The following COL24A1 variants were observed in gnomAD, a reference collection of about 807,000 sequenced individuals.
COL24A1 encodes collagen alpha-1(XXIV) chain.
COL24A1 carries 224 observed loss-of-function variants against 253.9 expected under a neutral mutation model. The ratio of observed to expected loss-of-function variants is 0.88; its 90% CI spans 0.79 to 0.99. COL24A1 has a LOEUF of 0.99. COL24A1 is among the 50% of genes least tolerant of loss of function. The pLI, the probability that COL24A1 is intolerant of heterozygous loss-of-function variation, is 0.00. For missense variants in COL24A1, 2,131 were observed against 2,068.5 expected (o/e 1.03, Z -0.59); for synonymous variants, 685 against 673.7 (o/e 1.02, Z -0.26).
intron 55 of COL24A1, among the ~76,000 whole-genome samples, chr1:85,759,328 A>G (rs745955603): frequency 2.0e-4 from 30 of 152,224 alleles, no homozygotes; most frequent in Non-Finnish European, 2.8e-4. Context: ...TATAATAGAA[A>G]AGACAAACAT....
chr1:85,732,420 G>A (rs919630192), intron 59 of COL24A1, among the ~76,000 whole-genome samples: 8 of 151,730 alleles, frequency 5.3e-5, no homozygotes, highest in Non-Finnish European at 7.4e-5. Context: ...TAGTAGAGAC[G>A]GGGTTTCACC....
intron 7 of COL24A1, among the ~76,000 whole-genome samples, chr1:86,087,739 G>C (rs1238211918): frequency 6.6e-6 from 1 of 152,154 alleles, no homozygotes; most frequent in Non-Finnish European, 1.5e-5. Context: ...AGAGATATGA[G>C]TAGTCAGATG....
At chr1:85,951,964 C>G (rs1200070926) in intron 24 of COL24A1, among the ~76,000 whole-genome samples, 1 of 152,090 alleles carries the variant, frequency 6.6e-6, no homozygotes, top group Non-Finnish European at 1.5e-5. Context: ...ATTTTTCTTA[C>G]AGTCAAAAGT....
chr1:85,831,526 T>C (rs1239039681), intron 43 of COL24A1, among the ~76,000 whole-genome samples: 2 of 152,140 alleles, frequency 1.3e-5, no homozygotes, highest in African/African-American at 4.8e-5. Context: ...AAAAATTGAC[T>C]ATGACCATTT....
chr1:85,847,805 GA>G (rs1677305782), intron 38 of COL24A1, 33 bp from the exon 39 acceptor site: 5 of 1,432,446 alleles, frequency 3.5e-6, no homozygotes, highest in Non-Finnish European at 4.9e-6. Context: ...AGAAAAGCAA[GA>G]AAAAAATTTA....
At chr1:85,869,990 G>C (rs1402980350) in intron 35 of COL24A1, among the ~76,000 whole-genome samples, 1 of 152,122 alleles carries the variant, frequency 6.6e-6, no homozygotes, top group Non-Finnish European at 1.5e-5. Context: ...TCAAAATAAA[G>C]GGATGGAGGA....
intron 14 of COL24A1, among the ~76,000 whole-genome samples, chr1:86,024,601 G>A (rs1429145484): frequency 6.6e-6 from 1 of 152,162 alleles, no homozygotes; most frequent in Non-Finnish European, 1.5e-5. Context: ...AACACCGTTA[G>A]AGGCAAAGGG....
intron 57 of COL24A1, 76 bp downstream of exon 57, chr1:85,744,590 C>T: frequency 8.1e-7 from 1 of 1,236,786 alleles, no homozygotes; most frequent in Non-Finnish European, 1.1e-6. Flanking sequence ...TTGGAGTGAA[C>T]ACATTACAAA....
chr1:86,059,356 A>G (rs544455908), intron 8 of COL24A1, among the ~76,000 whole-genome samples, 182 bp from the exon 9 acceptor site: 1 of 152,298 alleles, frequency 6.6e-6, no homozygotes, highest in African/African-American at 2.4e-5. Flanking sequence ...TAAAATCAGT[A>G]AACTATTAGA....
intron 43 of COL24A1, among the ~76,000 whole-genome samples, chr1:85,837,666 T>C (rs1676156055): frequency 6.6e-6 from 1 of 152,142 alleles, no homozygotes; most frequent in Admixed American, 6.5e-5. Flanking sequence ...TGTGGTAAAA[T>C]GTTTGTACTG....
rs543283926 is a variant in COL24A1 at position 85,823,692 on chromosome 1, C to T, written c.3728G>A (p.Gly1243Glu). The T allele has an allele frequency of 1.9e-6, 3 of 1,613,654 alleles. No individual in the cohort carries two copies. The African/African-American group carries it at 4.0e-5, about 22-fold the overall frequency. Reference protein sequence around the residue: ...PGLRGATGQQGPPGEPGDQGE... With the variant: ...PGLRGATGQQEPPGEPGDQGE... ...AATGCTTTCAAAACATACTGGGGGTCCTTGTTGTCCAGTGGCACCTCTTAG... is the reference window on the plus strand; with the variant it reads ...AATGCTTTCAAAACATACTGGGGGTTCTTGTTGTCCAGTGGCACCTCTTAG... Residue 1243 changes from glycine (G) to glutamate (E), a missense_variant, in exon 44 of 60, where the codon GGA (glycine) becomes GAA (glutamate). Coordinates refer to ENST00000370571, the MANE Select transcript of COL24A1 (RefSeq NM_152890.7).
intron 19 of COL24A1, among the ~76,000 whole-genome samples, chr1:85,994,808 G>A (rs1358946389): frequency 6.6e-6 from 1 of 152,064 alleles, no homozygotes; most frequent in Non-Finnish European, 1.5e-5. Context: ...TGTCTTCTGA[G>A]GAAACCACAA....
intron 28 of COL24A1, among the ~76,000 whole-genome samples, chr1:85,904,873 A>G (rs1396309404): frequency 6.6e-6 from 1 of 152,186 alleles, no homozygotes; most frequent in Non-Finnish European, 1.5e-5. Flanking sequence ...AATTAAGTCT[A>G]GAATCCTCCA....
chr1:85,732,883 C>T (rs1444371148), intron 59 of COL24A1, among the ~76,000 whole-genome samples: 5 of 152,056 alleles, frequency 3.3e-5, no homozygotes, highest in African/African-American at 1.2e-4. Context: ...ATTATTATCC[C>T]TATTATTATT....
chr1:86,112,072 C>T (rs1046165330), intron 5 of COL24A1, among the ~76,000 whole-genome samples: 1 of 152,194 alleles, frequency 6.6e-6, no homozygotes, highest in Non-Finnish European at 1.5e-5. Context: ...TATCATACAA[C>T]TATGTACGCT....
At position 85,744,788 on chromosome 1, in the gene COL24A1, A is replaced by C; in HGVS notation, c.4550T>G (p.Ile1517Arg). The part of the protein sequence containing the change: ...EVTLIDHSEE[I>R]FKTLNYLSNL... Reference sequence around the variant, plus strand: ...GCTAAGGTAGTTCAGGGTTTTGAATATCTCTTCACTGTGGTCAATTAAAGT... The same window carrying C: ...GCTAAGGTAGTTCAGGGTTTTGAATCTCTCTTCACTGTGGTCAATTAAAGT... The change falls in exon 57 of 60, where the codon ATA (isoleucine) becomes AGA (arginine). Residue 1517 changes from isoleucine to arginine, a missense_variant. Ile to Arg is a moderately conservative substitution (Grantham distance 97). Transcript: ENST00000370571. 1 of 1,611,144 alleles carries C rather than the reference A, an allele frequency of 6.2e-7. No individual in the cohort carries two copies. Among genetic ancestry groups the C allele is most frequent in the Non-Finnish European group, 8.5e-7 (1 of 1,179,068 alleles).
chr1:85,914,954 G>A (rs1012692541), intron 24 of COL24A1, among the ~76,000 whole-genome samples: 1 of 152,138 alleles, frequency 6.6e-6, no homozygotes, highest in African/African-American at 2.4e-5. Context: ...GCATTTGGGG[G>A]CAAACTTGAC....
At chr1:86,122,597 T>C (rs1441172325) in intron 3 of COL24A1, among the ~76,000 whole-genome samples, 1 of 152,038 alleles carries the variant, frequency 6.6e-6, no homozygotes, top group Non-Finnish European at 1.5e-5. Flanking sequence ...TTAATTACAG[T>C]TTTTAATAAT....
At chr1:85,738,244 T>A (rs1184010836) in intron 57 of COL24A1, among the ~76,000 whole-genome samples, 3 of 152,184 alleles carry the variant, frequency 2.0e-5, no homozygotes, top group Non-Finnish European at 4.4e-5. Flanking sequence ...TGTTTTATAA[T>A]AGAAACAACT....
Sources: gnomAD v4.1 joint callset for allele counts (sites outside exome capture counted in the v4.1 genomes callset) on GRCh38, gnomAD v4.1.1 for gene constraint, MANE v1.5 for transcripts, NCBI Gene and HGNC (gene_info 2026-07-23, HGNC 2026-07-21) for gene names.